The following MTFR1 variants were observed in gnomAD, a reference collection of about 807,000 sequenced individuals.
MTFR1 encodes chondrocyte protein with a poly-proline region.
MTFR1 carries 28 observed loss-of-function variants against 38.8 expected under a neutral mutation model. That is an observed-to-expected ratio of 0.72 (90% CI 0.53 to 0.99). The LOEUF is 0.99. MTFR1 is among the 50% of genes least tolerant of loss of function. The pLI, the probability that MTFR1 is intolerant of heterozygous loss-of-function variation, is 0.00. For missense variants in MTFR1, 358 were observed against 395.5 expected, an observed-to-expected ratio of 0.91 and a Z score of 0.81; for synonymous variants, 145 against 137.0, an observed-to-expected ratio of 1.06 and a Z score of -0.41.
intron 3 of MTFR1, among the ~76,000 whole-genome samples, chr8:65,736,790 G>GTTT (rs34814975): frequency 5.4e-4 from 70 of 128,776 alleles, no homozygotes; most frequent in Non-Finnish European, 4.5e-4. Context: ...AAATTTATCT[G>GTTT]TTTTTTTTTT....
chr8:65,659,375 A>C (rs1809349843), intron 1 of MTFR1, among the ~76,000 whole-genome samples: 1 of 151,792 alleles, frequency 6.6e-6, no homozygotes, highest in Non-Finnish European at 1.5e-5. Flanking sequence ...TGCCACTTGC[A>C]TCAATCAAGA....
At chr8:65,696,380 A>G in intron 4 of MTFR1, among the ~76,000 whole-genome samples, 1 of 152,248 alleles carries the variant, frequency 6.6e-6, no homozygotes, top group East Asian at 1.9e-4. Context: ...ATAAGAAACA[A>G]TACAGAGAAA....
intron 3 of MTFR1, chr8:65,727,174 T>TA (rs1232212323): frequency 6.4e-7 from 1 of 1,567,460 alleles, no homozygotes; most frequent in Non-Finnish European, 8.8e-7. Flanking sequence ...ACTAACCTTG[T>TA]ATAAAGTTGC....
chr8:65,700,349 TAAAAAAAA>T (rs551471575), intron 4 of MTFR1, among the ~76,000 whole-genome samples: 4 of 106,812 alleles, frequency 3.7e-5, no homozygotes, highest in East Asian at 2.5e-4. Context: ...AGACCTATCT[TAAAAAAAA>T]AAAAAAAAAG....
intron 1 of MTFR1, among the ~76,000 whole-genome samples, chr8:65,650,452 G>T (rs1380010469): frequency 6.6e-6 from 1 of 152,124 alleles, no homozygotes; most frequent in African/African-American, 2.4e-5. Context: ...GATTACAGGT[G>T]TGAGCCACCG....
intron 3 of MTFR1, among the ~76,000 whole-genome samples, chr8:65,764,355 A>G (rs1808661840): frequency 6.6e-6 from 1 of 152,226 alleles, no homozygotes; most frequent in Non-Finnish European, 1.5e-5. Context: ...TACCATAACT[A>G]CAAGCACAGG....
intron 1 of MTFR1, among the ~76,000 whole-genome samples, chr8:65,669,118 T>C (rs1224718166): frequency 6.6e-6 from 1 of 152,210 alleles, no homozygotes; most frequent in African/African-American, 2.4e-5. Context: ...TTAACCTGCT[T>C]GTTACAATAG....
At chr8:65,660,950 AG>A (rs1472462769) in intron 1 of MTFR1, among the ~76,000 whole-genome samples, 1 of 152,248 alleles carries the variant, frequency 6.6e-6, no homozygotes, top group Non-Finnish European at 1.5e-5. Context: ...GCATATTACT[AG>A]GCAAAGAAGC....
intron 2 of MTFR1, among the ~76,000 whole-genome samples, chr8:65,676,694 T>C (rs928008023): frequency 2.6e-5 from 4 of 152,166 alleles, no homozygotes; most frequent in Non-Finnish European, 5.9e-5. Flanking sequence ...GAGTTAAATT[T>C]ATAGTTTTTC....
In MTFR1 at chr8:65,710,296, A is replaced by G. The variant is rs1805908041; in HGVS notation, c.*1252A>G. On this transcript the variant is annotated 3_prime_UTR_variant, in exon 8 of 8. Coordinates refer to ENST00000262146, the MANE Select transcript of MTFR1 (RefSeq NM_014637.4). ...TATATGCATTCTCCTAAATATTAAC[A>G]AAAATGATTTGGGGAAATGACATGG... is the stretch of plus-strand genomic sequence containing the variant. The G allele has an allele frequency of 6.6e-6, 1 of 152,290 alleles. No homozygotes were observed. The highest frequency in any genetic ancestry group is 2.4e-5 in the African/African-American group (1 of 41,468). The allele number at this position is 152,290 out of a possible 1,614,324, so 9.4% of individuals were successfully genotyped here. A position where few individuals can be genotyped will look rare whatever the true frequency, so the allele number is the denominator to read the frequency against.
intron 1 of MTFR1, among the ~76,000 whole-genome samples, chr8:65,666,523 T>G (rs1804387060): frequency 6.6e-6 from 1 of 152,236 alleles, no homozygotes; most frequent in Admixed American, 6.5e-5. Context: ...ACATCTAGTT[T>G]GAGTCCTAAC....
intron 3 of MTFR1, among the ~76,000 whole-genome samples, chr8:65,685,840 CA>C (rs1370145437): frequency 2.0e-5 from 3 of 152,134 alleles, no homozygotes; most frequent in Non-Finnish European, 4.4e-5. Context: ...CAGGAGTTCT[CA>C]GGGAAGGTCT....
chr8:65,719,333 T>C (rs1435711307), intron 2 of MTFR1: 2 of 1,614,112 alleles, frequency 1.2e-6, no homozygotes, highest in Admixed American at 1.7e-5. Flanking sequence ...TGAGTTCAAC[T>C]CAAATGCAGC....
chr8:65,715,220 C>A (rs1308330721), downstream of MTFR1, among the ~76,000 whole-genome samples: 1 of 151,848 alleles, frequency 6.6e-6, no homozygotes, highest in Non-Finnish European at 1.5e-5. Flanking sequence ...AAAAAATATT[C>A]CAGTAATATA....
chr8:65,771,746 G>C (rs1452314822), downstream of MTFR1, among the ~76,000 whole-genome samples: 4 of 151,890 alleles, frequency 2.6e-5, no homozygotes, highest in Non-Finnish European at 5.9e-5. Context: ...GTGGTGGTGG[G>C]TGCCTGTAAT....
intron 3 of MTFR1, chr8:65,739,455 T>G: frequency 6.6e-7 from 1 of 1,504,082 alleles, no homozygotes; most frequent in East Asian, 2.5e-5. Context: ...AACAGGTTCT[T>G]GTATAAATGT....
intron 3 of MTFR1, chr8:65,723,109 G>A (rs865925013): frequency 1.9e-5 from 3 of 153,884 alleles, no homozygotes; most frequent in Middle Eastern, 3.4e-3. Context: ...ACAGGCAGTG[G>A]TAAGAGTCTG....
chr8:65,656,271 C>T (rs1043674368), intron 1 of MTFR1, among the ~76,000 whole-genome samples: 31 of 151,794 alleles, frequency 2.0e-4, no homozygotes, highest in African/African-American at 6.8e-4. Flanking sequence ...GTAGCGTTTA[C>T]ACCATAAGCA....
downstream of MTFR1, chr8:65,714,888 A>G (rs1292648442): frequency 5.4e-5 from 8 of 148,856 alleles, no homozygotes; most frequent in Non-Finnish European, 1.0e-4. Flanking sequence ...TGCAAAGGAC[A>G]TAAAATATGA....
Sources: allele counts gnomAD v4.1 joint callset (sites outside exome capture counted in the v4.1 genomes callset), GRCh38; gene constraint gnomAD v4.1.1; transcripts MANE v1.5; gene names NCBI Gene and HGNC (gene_info 2026-07-23, HGNC 2026-07-21).